The following SYT1 variants were observed in gnomAD, a reference collection of about 807,000 sequenced individuals.
The protein encoded by SYT1 is synaptotagmin 1.
Under a neutral mutation model 44.8 loss-of-function variants are expected in SYT1, and 8 were observed. The observed-to-expected ratio is 0.18, with a 90% confidence interval of 0.10 to 0.32. The LOEUF (loss-of-function observed/expected upper bound fraction) is 0.32. SYT1 is among the 10% of genes least tolerant of loss of function. SYT1 has a pLI of 1.00. For synonymous variants in SYT1, 154 were observed against 188.8 expected, an observed-to-expected ratio of 0.82 and a Z score of 1.51; for missense variants, 286 against 509.3, an observed-to-expected ratio of 0.56 and a Z score of 4.22.
At chr12:79,448,884 A>G in intron 10 of SYT1, 34 bp from the exon 11 acceptor site, 1 of 1,602,322 alleles carries the variant, frequency 6.2e-7, no homozygotes, top group Non-Finnish European at 8.5e-7. Flanking sequence ...CTCTAGAGCT[A>G]GATGATTCAT....
In SYT1 at chr12:79,014,707, C is replaced by T. The variant is rs1215489830; in HGVS notation, c.-83-32590C>T. ...ACCATTTGACCCAGCCATCCTATTA[C>T]TGGGTATATACCCAAAGGACTATAA... On this transcript the variant is annotated intron_variant, in intron 2 of 10. Transcript: ENST00000261205. Among the ~76,000 whole-genome samples, 5 of 152,188 alleles carry T rather than the reference C, an allele frequency of 3.3e-5. 1 individual carries two copies. Among genetic ancestry groups the T allele is most frequent in the Admixed American group, 2.6e-4 (4 of 15,270 alleles).
intron 8 of SYT1, among the ~76,000 whole-genome samples, chr12:79,335,370 T>A (rs545408692): frequency 6.6e-6 from 1 of 151,638 alleles, no homozygotes; most frequent in East Asian, 1.9e-4. Context: ...CTTGTATGCC[T>A]TTGCTTGTGT....
chr12:79,444,657 A>G (rs1350708582), intron 10 of SYT1, among the ~76,000 whole-genome samples: 1 of 152,144 alleles, frequency 6.6e-6, no homozygotes, highest in Admixed American at 6.6e-5. Context: ...GATGATTAAC[A>G]ATAGAAAAAT....
intron 4 of SYT1, among the ~76,000 whole-genome samples, chr12:79,232,806 C>T (rs748990524): frequency 5.3e-5 from 8 of 152,104 alleles, no homozygotes; most frequent in Non-Finnish European, 8.8e-5. Flanking sequence ...CAAAGGCCCT[C>T]ATATCAAGTT....
chr12:79,236,607 A>G (rs1301990427), intron 4 of SYT1, among the ~76,000 whole-genome samples: 1 of 152,228 alleles, frequency 6.6e-6, no homozygotes, highest in East Asian at 1.9e-4. Flanking sequence ...CTATAAGCTC[A>G]TATCTTCCTT....
At chr12:79,265,929 A>G (rs1878101060) in intron 4 of SYT1, among the ~76,000 whole-genome samples, 1 of 152,196 alleles carries the variant, frequency 6.6e-6, no homozygotes, top group African/African-American at 2.4e-5. Flanking sequence ...GACAGAAAAC[A>G]ATTGAGTCTT....
At chr12:79,224,408 G>A (rs546458550) in intron 4 of SYT1, among the ~76,000 whole-genome samples, 7 of 152,234 alleles carry the variant, frequency 4.6e-5, no homozygotes, top group South Asian at 2.1e-4. Context: ...AGCATAAAAG[G>A]TTGTTATTTT....
At chr12:79,100,824 G>T (rs966361422) in intron 3 of SYT1, among the ~76,000 whole-genome samples, 3 of 151,908 alleles carry the variant, frequency 2.0e-5, no homozygotes, top group Non-Finnish European at 2.9e-5. Flanking sequence ...ACACATAAAT[G>T]TATAATAACT....
intron 8 of SYT1, among the ~76,000 whole-genome samples, chr12:79,318,838 A>G (rs141899750): frequency 1.1e-3 from 169 of 152,364 alleles, no homozygotes; most frequent in African/African-American, 3.9e-3. Context: ...CAGTGTCAAA[A>G]AACAAAAACA....
At chr12:79,292,949 T>C (rs1879659971) in intron 6 of SYT1, among the ~76,000 whole-genome samples, 1 of 152,048 alleles carries the variant, frequency 6.6e-6, no homozygotes, top group South Asian at 2.1e-4. Context: ...ACCTTCTGAA[T>C]TGTTAAAGAA....
At chr12:79,398,966 T>C (rs946056469) in intron 9 of SYT1, among the ~76,000 whole-genome samples, 1 of 152,136 alleles carries the variant, frequency 6.6e-6, no homozygotes, top group Admixed American at 6.5e-5. Context: ...AACACGACCA[T>C]ACGAATAACC....
intron 3 of SYT1, among the ~76,000 whole-genome samples, chr12:79,183,307 G>A (rs1344221180): frequency 6.6e-6 from 1 of 151,986 alleles, no homozygotes; most frequent in Non-Finnish European, 1.5e-5. Context: ...ACAGTAAGTT[G>A]CGCAGACAGG....
intron 8 of SYT1, among the ~76,000 whole-genome samples, chr12:79,349,056 A>AGAGAAAGAAAGAAAGAAG (rs1882766307): frequency 7.9e-6 from 1 of 125,864 alleles, no homozygotes; most frequent in Non-Finnish European, 1.6e-5. Flanking sequence ...AAAGAAAGAA[A>AGAGAAAGAAAGAAAGAAG]GGAGGGAGGG....
intron 1 of SYT1, among the ~76,000 whole-genome samples, chr12:78,971,846 A>G (rs2137392068): frequency 6.6e-6 from 1 of 152,150 alleles, no homozygotes; most frequent in East Asian, 1.9e-4. Context: ...ACGCTGTGAG[A>G]CTTTGGGCAA....
chr12:79,242,415 C>T (rs1045666916), intron 4 of SYT1, among the ~76,000 whole-genome samples: 1 of 152,152 alleles, frequency 6.6e-6, no homozygotes, highest in African/African-American at 2.4e-5. Context: ...GGCCTGAGGA[C>T]CTTTTGCAGT....
At chr12:79,265,297 T>A (rs932236754) in intron 4 of SYT1, among the ~76,000 whole-genome samples, 1 of 152,182 alleles carries the variant, frequency 6.6e-6, no homozygotes, top group African/African-American at 2.4e-5. Flanking sequence ...ACTAACTTGA[T>A]CAAATTTATT....
At chr12:79,033,417 T>C (rs936325964) in intron 2 of SYT1, among the ~76,000 whole-genome samples, 1 of 151,424 alleles carries the variant, frequency 6.6e-6, no homozygotes, top group African/African-American at 2.4e-5. Flanking sequence ...TACATTACTT[T>C]AAAAACATCT....
At chr12:78,901,147 A>G (rs1452901109) in intron 1 of SYT1, among the ~76,000 whole-genome samples, 2 of 152,108 alleles carry the variant, frequency 1.3e-5, no homozygotes, top group Non-Finnish European at 2.9e-5. Context: ...GTAGTGAACA[A>G]TATCTTTTCA....
intron 2 of SYT1, among the ~76,000 whole-genome samples, chr12:78,995,550 C>G (rs1565754316): frequency 6.6e-6 from 1 of 152,166 alleles, no homozygotes; most frequent in African/African-American, 2.4e-5. Flanking sequence ...ACAGCAGTCT[C>G]AAGAGCTTTC....
Sources: allele counts gnomAD v4.1 joint callset (sites outside exome capture counted in the v4.1 genomes callset), GRCh38; gene constraint gnomAD v4.1.1; transcripts MANE v1.5; gene names NCBI Gene and HGNC (gene_info 2026-07-23, HGNC 2026-07-21).